The following NTSR1 variants were observed in gnomAD, a reference collection of about 807,000 sequenced individuals.
NTSR1 encodes the protein neurotensin receptor type 1.
NTSR1 carries 29 observed loss-of-function variants against 31.2 expected under a neutral mutation model. The observed-to-expected ratio is 0.93, with a 90% CI of 0.69 to 1.27. The LOEUF (loss-of-function observed/expected upper bound fraction) is 1.27, where lower values mean the gene tolerates loss of function less well. Among genes scored for constraint, NTSR1 ranks in the 50% most tolerant of loss-of-function variants. The pLI is 0.00. For missense variants in NTSR1, 697 were observed against 595.4 expected, an observed-to-expected ratio of 1.17 and a Z score of -1.78; for synonymous variants, 282 against 269.9, an observed-to-expected ratio of 1.04 and a Z score of -0.44.
At chr20:62,725,955 C>T (rs1988899478) in intron 1 of NTSR1, among the ~76,000 whole-genome samples, 1 of 152,076 alleles carries the variant, frequency 6.6e-6, no homozygotes, top group South Asian at 2.1e-4. Flanking sequence ...CTGCCCTGTA[C>T]CCTGAAATCT....
At chr20:62,738,881 G>A (rs1989153139) in intron 1 of NTSR1, among the ~76,000 whole-genome samples, 1 of 152,238 alleles carries the variant, frequency 6.6e-6, no homozygotes, top group Admixed American at 6.5e-5. Flanking sequence ...GCCAGCACGA[G>A]AAGGGAAATA....
Position 62,714,178 on chromosome 20 carries a change from G to A in NTSR1, c.714+4257G>A, listed in dbSNP as rs1337754022. 1.3e-5 allele frequency among the ~76,000 whole-genome samples: 2 copies of A among 152,326 alleles called. No individual in the cohort carries two copies. Among genetic ancestry groups the A allele is most frequent in the Non-Finnish European group, 2.9e-5 (2 of 68,028 alleles). On this transcript the variant is annotated intron_variant, in intron 1 of 3. Coordinates refer to ENST00000370501, the MANE Select transcript of NTSR1 (RefSeq NM_002531.3). This position sits in a 1 kb window ranked among gnomAD's most constrained non-coding sequence, Gnocchi z 4.1. ...CTGACCTCCCGTGAGGACGGGAAGG[G>A]GACCCACGCCACGCAGCTGTGGGCA...
rs367832342 is a variant in NTSR1, at chr20:62,726,812, G to GC, written c.714+16895dup. Among the ~76,000 whole-genome samples, 343 of 152,300 alleles carry GC rather than the reference G, an allele frequency of 2.3e-3. 3 individuals carry two copies. The highest frequency in any genetic ancestry group is 7.0e-3 in the African/African-American group (293 of 41,576). On this transcript the variant is annotated intron_variant, in intron 1 of 3. Coordinates refer to ENST00000370501, the MANE Select transcript of NTSR1 (RefSeq NM_002531.3). The stretch of plus-strand genomic sequence containing the variant: ...GGCACAGGCACCTAAGACAAGCCTG[G>GC]CCCCGGCCGCGTTAGTGGAGAAGGC...
rs1441081969 is a variant in NTSR1 at position 62,711,931 on chromosome 20, CCACGCCCTGCA to C, written c.714+2011_714+2021del. On this transcript the variant is annotated intron_variant, in intron 1 of 3. Coordinates refer to ENST00000370501, the MANE Select transcript of NTSR1 (RefSeq NM_002531.3). The surrounding 1 kb of genome is among the most constrained non-coding windows in gnomAD (Gnocchi z 6.4). ...ACGTATCAACCGTAGGACAGCGGCC[CCACGCCCTGCA>C]GACGCCATGCTGGCCGAGCGTTGCT... Among the ~76,000 whole-genome samples, 1 of 152,248 alleles carries C rather than the reference CCACGCCCTGCA, an allele frequency of 6.6e-6. No homozygotes were observed. Among genetic ancestry groups the C allele is most frequent in the Non-Finnish European group, 1.5e-5 (1 of 68,048 alleles).
rs1168021893 is a variant in NTSR1, at chr20:62,715,144, A to G, written c.714+5223A>G. On this transcript the variant is annotated intron_variant, in intron 1 of 3. Transcript: ENST00000370501. The surrounding 1 kb of genome is among the most constrained non-coding windows in gnomAD (Gnocchi z 4.7). ...GTAATTAAAAGTTTTCAAAAGGTTA[A>G]GGTGCTATATGTTGGAAATAAAGAA... Among the ~76,000 whole-genome samples the G allele has an allele frequency of 1.3e-5, 2 of 152,200 alleles. No individual in the cohort carries two copies. Among genetic ancestry groups the G allele is most frequent in the African/African-American group, 4.8e-5 (2 of 41,450 alleles).
rs146926597 is a variant in NTSR1 at position 62,719,453 on chromosome 20, G to A, written c.714+9532G>A. 4.8e-3 allele frequency among the ~76,000 whole-genome samples: 718 copies of A among 148,482 alleles called. 9 individuals are homozygous for A. The highest frequency in any genetic ancestry group is 0.017 in the African/African-American group (685 of 39,734). On this transcript the variant is annotated intron_variant, in intron 1 of 3. Transcript: ENST00000370501. ...CATGACCATCTCCACCCTCCCTCTC[G>A]GTACATCGTCATACGATCATCCCCA...
chr20:62,734,361 C>A lies in NTSR1; in HGVS notation c.715-20324C>A, dbSNP rs546982795. ...TTCGGTGCAGTAGGGGCTTTGTGGC[C>A]GATGCAGAGGAAGCCGAGCTCTGCT... is the stretch of plus-strand genomic sequence containing the variant. On this transcript the variant is annotated intron_variant, in intron 1 of 3. Coordinates refer to ENST00000370501, the MANE Select transcript of NTSR1 (RefSeq NM_002531.3). 3.3e-5 allele frequency among the ~76,000 whole-genome samples: 5 copies of A among 152,110 alleles called. No individual in the cohort carries two copies. The East Asian group carries it at 9.6e-4, about 29-fold the overall frequency.
At chr20:62,722,581 C>T (rs1450989798) in intron 1 of NTSR1, among the ~76,000 whole-genome samples, 2 of 152,256 alleles carry the variant, frequency 1.3e-5, no homozygotes, top group Non-Finnish European at 2.9e-5. Context: ...GTAGCCACAG[C>T]CACAGCCCGC....
chr20:62,726,495 C>T (rs556319037), intron 1 of NTSR1, among the ~76,000 whole-genome samples: 5 of 152,296 alleles, frequency 3.3e-5, no homozygotes, highest in Non-Finnish European at 5.9e-5. Context: ...GCCTGCCCAC[C>T]GGTCCCCAGG....
At position 62,733,163 on chromosome 20, in the gene NTSR1, A is replaced by ACGTTCTTT. The variant is rs59052953; in HGVS notation, c.715-21519_715-21512dup. ...AGTAAATGTCATCGGCAGTGTGTAG[A>ACGTTCTTT]CGTTCTTTCGGAAGAAGATCTGTCA... On this transcript the variant is annotated intron_variant, in intron 1 of 3. Transcript: ENST00000370501. The surrounding 1 kb of genome is among the most constrained non-coding windows in gnomAD (Gnocchi z 5.2). The ACGTTCTTT allele has an allele frequency of 0.31, 47,228 of 151,416 alleles. 7,628 individuals are homozygous for ACGTTCTTT. Among genetic ancestry groups the ACGTTCTTT allele is most frequent in the Middle Eastern group, 0.39 (113 of 292 alleles). 9.4% of individuals were successfully genotyped at this position (151,416 alleles called of 1,614,324 possible). A position where few individuals can be genotyped will look rare whatever the true frequency, so the allele number is the denominator to read the frequency against.
intron 1 of NTSR1, among the ~76,000 whole-genome samples, chr20:62,740,826 G>T (rs1031598465): frequency 5.3e-5 from 8 of 152,346 alleles, no homozygotes; most frequent in African/African-American, 1.9e-4. Flanking sequence ...CATTCTCATG[G>T]GCTTGAAGCT....
In NTSR1 at chr20:62,709,903, C is replaced by G. The variant is rs148000672; in HGVS notation, c.696C>G (p.Thr232=). The G allele has an allele frequency of 2.5e-6, 4 of 1,594,226 alleles. No homozygotes were observed. Among genetic ancestry groups the G allele is most frequent in the Admixed American group, 3.4e-5 (2 of 58,538 alleles). The change falls in exon 1 of 4, where the codon ACC becomes ACG. Residue 232 remains threonine, a synonymous_variant. Transcript: ENST00000370501. ...LVCTPTIHTA[T]VKVVIQVNTF... Reference sequence around the variant, plus strand: ...GCACCCCCACCATCCACACTGCCACCGTCAAGGTCGTCATACAGGTGAGCC... The same window carrying G: ...GCACCCCCACCATCCACACTGCCACGGTCAAGGTCGTCATACAGGTGAGCC...
Position 62,715,992 on chromosome 20 carries a change from A to G in NTSR1, c.714+6071A>G, listed in dbSNP as rs28408000. Among the ~76,000 whole-genome samples the G allele has an allele frequency of 2.3e-3, 357 of 152,324 alleles. 2 individuals carry two copies. The highest frequency in any genetic ancestry group is 4.2e-3 in the Non-Finnish European group (284 of 68,028). ...ATCAAATCTCACGTGGTGATCTAGT[A>G]GTTTGTATTAAGAGAAGAAAGAAGC... On this transcript the variant is annotated intron_variant, in intron 1 of 3. Coordinates refer to ENST00000370501, the MANE Select transcript of NTSR1 (RefSeq NM_002531.3). The surrounding 1 kb of genome is among the most constrained non-coding windows in gnomAD (Gnocchi z 4.7).
chr20:62,747,949 G>T (rs1315720193), intron 1 of NTSR1, among the ~76,000 whole-genome samples: 1 of 152,234 alleles, frequency 6.6e-6, no homozygotes, highest in Non-Finnish European at 1.5e-5. Context: ...CCCGAGGCGG[G>T]TGGATCACCT....
intron 1 of NTSR1, among the ~76,000 whole-genome samples, chr20:62,736,837 C>T (rs140172940): frequency 6.8e-4 from 104 of 152,342 alleles, no homozygotes; most frequent in Non-Finnish European, 1.2e-3. Context: ...AGGGCAGGAC[C>T]AGGGGGAGGT....
At chr20:62,749,085 A>C (rs183851074) in intron 1 of NTSR1, among the ~76,000 whole-genome samples, 1 of 152,320 alleles carries the variant, frequency 6.6e-6, no homozygotes, top group Admixed American at 6.5e-5. Flanking sequence ...GCACCAATAC[A>C]CAATGGGGAA....
intron 1 of NTSR1, among the ~76,000 whole-genome samples, chr20:62,740,107 C>A (rs938846915): frequency 2.6e-5 from 4 of 152,270 alleles, no homozygotes; most frequent in African/African-American, 9.6e-5. Context: ...CTGCATGGAG[C>A]AGAGAACTTT....
rs777066854 is a variant in NTSR1, at chr20:62,760,098, T to C, written c.1088T>C (p.Leu363Pro). Residue 363 changes from leucine (L) to proline (P), a missense_variant, in exon 4 of 4, where the codon CTG becomes CCG. By Grantham distance (98) the Leu-to-Pro change is moderately conservative (BLOSUM62 -3). Transcript: ENST00000370501. Reference sequence around the variant, plus strand: ...GTCAGCTCCACCATCAACCCCATCCTGTACAACCTCGTCTCTGCCAACTTC... The same window carrying C: ...GTCAGCTCCACCATCAACCCCATCCCGTACAACCTCGTCTCTGCCAACTTC... ...FYVSSTINPI[L>P]YNLVSANFRH... is the part of the protein sequence containing the mutation. 2 of 1,614,174 alleles carry C rather than the reference T, an allele frequency of 1.2e-6. No individual in the cohort carries two copies. Among genetic ancestry groups the C allele is most frequent in the Non-Finnish European group, 8.5e-7 (1 of 1,180,024 alleles).
chr20:62,716,587 CGT>C (rs1988726516), intron 1 of NTSR1, among the ~76,000 whole-genome samples: 1 of 152,232 alleles, frequency 6.6e-6, no homozygotes. Flanking sequence ...GATTTCAGCG[CGT>C]GTTAGTCCTG....
Sources: gnomAD v4.1 joint callset for allele counts (sites outside exome capture counted in the v4.1 genomes callset) on GRCh38, gnomAD v4.1.1 for gene constraint, Gnocchi (gnomAD v3.1) non-coding constraint, MANE v1.5 for transcripts, NCBI Gene and HGNC (gene_info 2026-07-23, HGNC 2026-07-21) for gene names.